NECAB1: variants seen among roughly 807,000 people sequenced by gnomAD.
NECAB1 encodes the protein N-terminal EF-hand calcium-binding protein 1.
In NECAB1, 29 loss-of-function variants were observed where a neutral mutation model predicts 57.5. The observed-to-expected ratio is 0.50, with a 90% CI of 0.38 to 0.69. The LOEUF (loss-of-function observed/expected upper bound fraction) is 0.69, where lower values mean the gene tolerates loss of function less well. Among genes scored for constraint, NECAB1 ranks in the 30% least tolerant of loss-of-function variants. NECAB1 has a pLI of 0.00. For synonymous variants in NECAB1, 142 were observed against 147.7 expected, an observed-to-expected ratio of 0.96 and a Z score of 0.28; for missense variants, 372 against 413.8, an observed-to-expected ratio of 0.90 and a Z score of 0.88.
intron 1 of NECAB1, among the ~76,000 whole-genome samples, chr8:90,797,826 A>T (rs1811687620): frequency 6.6e-6 from 1 of 152,212 alleles, no homozygotes; most frequent in African/African-American, 2.4e-5. Flanking sequence ...TCTCATCAAG[A>T]TTACTTAATC....
At chr8:90,913,361 C>T (rs1190601022) in intron 5 of NECAB1, among the ~76,000 whole-genome samples, 1 of 99,126 alleles carries the variant, frequency 1.0e-5, no homozygotes, top group African/African-American at 1.0e-4. Flanking sequence ...ATTTGTGTAA[C>T]TAATAATTAT....
In NECAB1 at chr8:90,956,359, A is replaced by G. The variant is rs1202862079; in HGVS notation, c.*847A>G. 1 of 152,058 alleles carries G rather than the reference A, an allele frequency of 6.6e-6. No homozygotes were observed. The highest frequency in any genetic ancestry group is 2.4e-5 in the African/African-American group (1 of 41,430). 9.4% of individuals were successfully genotyped at this position (152,058 alleles called of 1,614,324 possible). On this transcript the variant is annotated 3_prime_UTR_variant, in exon 13 of 13. Coordinates refer to ENST00000417640, the MANE Select transcript of NECAB1 (RefSeq NM_022351.5). ...TAAACAATGATTTCAAAATACTTGA[A>G]AAATAAAATTTTAACCCAAATGAAT...
At chr8:90,871,954 T>G (rs1401868264) in intron 3 of NECAB1, among the ~76,000 whole-genome samples, 174 bp from the exon 4 acceptor site, 1 of 152,176 alleles carries the variant, frequency 6.6e-6, no homozygotes. Flanking sequence ...ACATAATCAT[T>G]GTTAATTGAC....
intron 1 of NECAB1, among the ~76,000 whole-genome samples, chr8:90,792,802 C>T (rs1258284504): frequency 1.3e-5 from 2 of 152,136 alleles, no homozygotes; most frequent in African/African-American, 2.4e-5. Context: ...TTTTCCTCTC[C>T]TGCCTGCTGT....
chr8:90,864,481 G>A (rs1459344446), intron 3 of NECAB1, among the ~76,000 whole-genome samples: 1 of 152,094 alleles, frequency 6.6e-6, no homozygotes, highest in Non-Finnish European at 1.5e-5. Flanking sequence ...TCCCCTTCAA[G>A]TGTTCTCATT....
chr8:90,873,170 T>C (rs1038985117), intron 4 of NECAB1, among the ~76,000 whole-genome samples: 1 of 152,182 alleles, frequency 6.6e-6, no homozygotes, highest in Non-Finnish European at 1.5e-5. Flanking sequence ...TTTCCAATGA[T>C]TGTAAAAAAA....
chr8:90,946,854 G>A (rs1810814833), intron 10 of NECAB1, among the ~76,000 whole-genome samples: 1 of 152,202 alleles, frequency 6.6e-6, no homozygotes. Flanking sequence ...CCAGCAGAGA[G>A]GAGTAAGGTT....
chr8:90,870,591 T>C (rs1052773954), intron 3 of NECAB1, among the ~76,000 whole-genome samples: 1 of 152,356 alleles, frequency 6.6e-6, no homozygotes, highest in Non-Finnish European at 1.5e-5. Context: ...AGCTCAACAA[T>C]TTAACATTTG....
chr8:90,860,734 A>T (rs1812886251), intron 3 of NECAB1, among the ~76,000 whole-genome samples: 2 of 152,332 alleles, frequency 1.3e-5, no homozygotes, highest in South Asian at 4.1e-4. Flanking sequence ...GCTGCAAATG[A>T]TGCAGTGGTC....
intron 12 of NECAB1, among the ~76,000 whole-genome samples, chr8:90,955,150 G>A (rs1225796369): frequency 1.2e-4 from 5 of 42,484 alleles, no homozygotes; most frequent in African/African-American, 2.5e-4. Flanking sequence ...ATATATATAT[G>A]GCCTAACTAC....
chr8:90,895,851 T>G (rs1264423150), intron 5 of NECAB1, among the ~76,000 whole-genome samples: 1 of 152,230 alleles, frequency 6.6e-6, no homozygotes, highest in Non-Finnish European at 1.5e-5. Flanking sequence ...TGAAAGGGAC[T>G]GTTTTCCTTC....
At position 90,804,700 on chromosome 8, in the gene NECAB1, T is replaced by A. The variant is rs549763345; in HGVS notation, c.124+2985T>A. Among the ~76,000 whole-genome samples, 20 of 152,300 alleles carry A rather than the reference T, an allele frequency of 1.3e-4. 1 individual carries two copies. The South Asian group carries it at 2.7e-3, about 21-fold the overall frequency. ...ATTGAGGATGTTCTGCTCTATTATT[T>A]CTCTCTCTTCTCTCTGTCCACTTTT... is the stretch of plus-strand genomic sequence containing the variant. On this transcript the variant is annotated intron_variant, in intron 2 of 12. Coordinates refer to ENST00000417640, the MANE Select transcript of NECAB1 (RefSeq NM_022351.5).
chr8:90,880,247 A>G lies in NECAB1; in HGVS notation c.260-786A>G, dbSNP rs778324102. Among the ~76,000 whole-genome samples the G allele has an allele frequency of 1.2e-3, 184 of 152,264 alleles. 1 individual carries two copies. Among genetic ancestry groups the G allele is most frequent in the Middle Eastern group, 3.4e-3 (1 of 294 alleles). The stretch of plus-strand genomic sequence containing the variant: ...ATGGCAATAAACTACAGTTCATCCA[A>G]GGAAGGGTTCACAGGAATGGTGAGG... On this transcript the variant is annotated intron_variant, in intron 4 of 12. Transcript: ENST00000417640.
At chr8:90,951,312 CTT>C (rs1810921076) in intron 12 of NECAB1, 108 bp downstream of exon 12, 3 of 604,844 alleles carry the variant, frequency 5.0e-6, no homozygotes, top group Non-Finnish European at 8.5e-6. Flanking sequence ...ATGGTACTCT[CTT>C]ATTTATTTCT....
intron 5 of NECAB1, among the ~76,000 whole-genome samples, chr8:90,896,640 A>G (rs547647861): frequency 1.3e-5 from 2 of 152,070 alleles, no homozygotes; most frequent in South Asian, 4.2e-4. Flanking sequence ...AACAAAAAAA[A>G]CAAACAAACT....
chr8:90,816,709 A>G (rs1812066588), intron 2 of NECAB1, among the ~76,000 whole-genome samples: 1 of 151,850 alleles, frequency 6.6e-6, no homozygotes, highest in Admixed American at 6.6e-5. Flanking sequence ...TTTACAATAC[A>G]ACACTGGTTA....
intron 4 of NECAB1, among the ~76,000 whole-genome samples, chr8:90,879,677 G>T (rs531789643): frequency 3.3e-5 from 5 of 152,214 alleles, no homozygotes; most frequent in African/African-American, 1.2e-4. Flanking sequence ...GCTGGTTGAT[G>T]AAGAGTGTTC....
Position 90,948,498 on chromosome 8 carries a change from A to G in NECAB1, c.861-1309A>G, listed in dbSNP as rs114285878. On this transcript the variant is annotated intron_variant, in intron 10 of 12. Coordinates refer to ENST00000417640, the MANE Select transcript of NECAB1 (RefSeq NM_022351.5). ...ACACTTAGGTAAATCCTAAATCTAC[A>G]TTAATCAACTATTTTACTGCTAAGT... 2.0e-3 allele frequency among the ~76,000 whole-genome samples: 311 copies of G among 152,310 alleles called. 2 individuals are homozygous for G. Among genetic ancestry groups the G allele is most frequent in the African/African-American group, 7.0e-3 (293 of 41,574 alleles).
chr8:90,925,923 A>T (rs1195434123), intron 7 of NECAB1, among the ~76,000 whole-genome samples: 1 of 152,168 alleles, frequency 6.6e-6, no homozygotes, highest in African/African-American at 2.4e-5. Context: ...ATCAGCTAAC[A>T]TCTAAAAGAC....
Sources: allele counts gnomAD v4.1 joint callset (sites outside exome capture counted in the v4.1 genomes callset), GRCh38; gene constraint gnomAD v4.1.1; transcripts MANE v1.5; gene names NCBI Gene and HGNC (gene_info 2026-07-23, HGNC 2026-07-21).